Variants in TGFBR3 observed in about 807,000 individuals in gnomAD.
The protein encoded by TGFBR3 is transforming growth factor beta receptor 3.
A neutral mutation model predicts 87.9 loss-of-function variants in TGFBR3; 46 were observed. The observed-to-expected ratio is 0.52, with a 90% CI of 0.41 to 0.67. The LOEUF (loss-of-function observed/expected upper bound fraction) is 0.67. Ranked by LOEUF, TGFBR3 falls within the 30% of genes least tolerant of loss-of-function variation. The pLI is 0.00. For synonymous variants in TGFBR3, 381 were observed against 391.6 expected (o/e 0.97, Z 0.32); for missense variants, 866 against 1,041.9 (o/e 0.83, Z 2.32).
At chr1:91,868,861 C>T (rs1002182592) in intron 1 of TGFBR3, among the ~76,000 whole-genome samples, 1 of 152,172 alleles carries the variant, frequency 6.6e-6, no homozygotes, top group African/African-American at 2.4e-5. Context: ...GTTTAGAGCC[C>T]AGGCATGTGA....
chr1:91,770,440 A>G (rs747725276), intron 3 of TGFBR3, among the ~76,000 whole-genome samples: 10 of 152,200 alleles, frequency 6.6e-5, no homozygotes, highest in Non-Finnish European at 1.3e-4. Flanking sequence ...AAACTACAGC[A>G]TACTATTTCT....
intron 2 of TGFBR3, among the ~76,000 whole-genome samples, chr1:91,820,282 A>G (rs2799539): frequency 0.13 from 19,033 of 152,202 alleles, 1,496 homozygotes; most frequent in East Asian, 0.38. Context: ...ACTGATATCA[A>G]TGTAAATACA....
chr1:91,693,869 C>T (rs767745662), intron 16 of TGFBR3, among the ~76,000 whole-genome samples: 11 of 152,136 alleles, frequency 7.2e-5, no homozygotes, highest in Non-Finnish European at 1.3e-4. Context: ...GGTATTCCTG[C>T]GACAAAATTA....
At position 91,738,555 on chromosome 1, in the gene TGFBR3, T is replaced by C. The variant is rs141174609; in HGVS notation, c.385-3596A>G. On this transcript the variant is annotated intron_variant, in intron 4 of 16. Transcript: ENST00000212355. ...TGCTCCTGCTTTTGCCATGTGTAAG[T>C]GCCTGCACCTGCTTCATCTTCCTCC... 5.6e-3 allele frequency among the ~76,000 whole-genome samples: 851 copies of C among 152,328 alleles called. 9 individuals are homozygous for C. Among genetic ancestry groups the C allele is most frequent in the Middle Eastern group, 0.014 (4 of 294 alleles).
chr1:91,791,371 C>T (rs2129974), intron 3 of TGFBR3, among the ~76,000 whole-genome samples: 12,494 of 152,036 alleles, frequency 0.082, 699 homozygotes, highest in Admixed American at 0.14. Context: ...CACAATGGCT[C>T]CTGAGCTCAG....
At chr1:91,754,160 A>G (rs1673655096) in intron 4 of TGFBR3, among the ~76,000 whole-genome samples, 1 of 152,214 alleles carries the variant, frequency 6.6e-6, no homozygotes, top group East Asian at 1.9e-4. Flanking sequence ...TTCTCTAGAA[A>G]CCGTGTATTT....
At chr1:91,770,235 A>C (rs181993122) in intron 3 of TGFBR3, among the ~76,000 whole-genome samples, 2,051 of 152,298 alleles carry the variant, frequency 0.013, 43 homozygotes, top group Admixed American at 0.053. Flanking sequence ...GGATTAAAAA[A>C]AAAAAAAAGA....
At chr1:91,802,941 A>G (rs983413188) in intron 2 of TGFBR3, among the ~76,000 whole-genome samples, 1 of 151,858 alleles carries the variant, frequency 6.6e-6, no homozygotes, top group African/African-American at 2.4e-5. Flanking sequence ...CTCCATCTCC[A>G]TGGGCACCAT....
At position 91,695,743 on chromosome 1, in the gene TGFBR3, C is replaced by T. The variant is rs753791977; in HGVS notation, c.2366G>A (p.Gly789Asp). 1 of 1,614,028 alleles carries T rather than the reference C, an allele frequency of 6.2e-7. No homozygotes were observed. Among genetic ancestry groups the T allele is most frequent in the Admixed American group, 1.7e-5 (1 of 59,996 alleles). Residue 789 changes from glycine (G) to aspartate (D), a missense_variant, in exon 16 of 17, where the codon GGC (glycine) becomes GAC (aspartate). Physicochemically the swap from Gly to Asp is moderately conservative, Grantham distance 94 (BLOSUM62 -1). Coordinates refer to ENST00000212355, the MANE Select transcript of TGFBR3 (RefSeq NM_003243.5). ...FHGLDTLTVM[G>D]IAFAAFVIGA... The stretch of plus-strand genomic sequence containing the variant: ...GATCACAAAGGCTGCAAACGCAATG[C>T]CCATCACGGTTAGGGTGTCCAGACC...
chr1:91,904,845 C>A (rs2101357658), intron 1 of TGFBR3, among the ~76,000 whole-genome samples: 1 of 152,220 alleles, frequency 6.6e-6, no homozygotes, highest in East Asian at 1.9e-4. Flanking sequence ...GGACTATAGG[C>A]ATGAGCCACC....
chr1:91,802,078 A>AGTC (rs1675651051), intron 2 of TGFBR3, among the ~76,000 whole-genome samples: 1 of 152,178 alleles, frequency 6.6e-6, no homozygotes, highest in Admixed American at 6.5e-5. Flanking sequence ...ACAGTGTAGG[A>AGTC]ATCAGGGGAG....
intron 3 of TGFBR3, among the ~76,000 whole-genome samples, chr1:91,793,871 A>G (rs1335433256): frequency 6.6e-6 from 1 of 151,544 alleles, no homozygotes; most frequent in Admixed American, 6.6e-5. Context: ...CCCTCCTACT[A>G]TTACCCTCAA....
chr1:91,739,555 G>A (rs1033254485), intron 4 of TGFBR3, among the ~76,000 whole-genome samples: 1 of 152,172 alleles, frequency 6.6e-6, no homozygotes, highest in African/African-American at 2.4e-5. Context: ...TGAAGTCTGT[G>A]ACTCATACGT....
At chr1:91,800,263 C>T (rs1356977953) in intron 2 of TGFBR3, among the ~76,000 whole-genome samples, 3 of 146,858 alleles carry the variant, frequency 2.0e-5, no homozygotes, top group African/African-American at 7.6e-5. Context: ...TATACACACA[C>T]ACACACACAC....
At chr1:91,893,225 G>A (rs970190080) in intron 2 of TGFBR3, among the ~76,000 whole-genome samples, 6 of 152,076 alleles carry the variant, frequency 3.9e-5, no homozygotes, top group African/African-American at 1.4e-4. Context: ...ATTACCTGCT[G>A]TAACATTTCT....
At chr1:91,874,306 G>A (rs1020404561) in intron 1 of TGFBR3, among the ~76,000 whole-genome samples, 3 of 152,152 alleles carry the variant, frequency 2.0e-5, no homozygotes, top group African/African-American at 7.2e-5. Context: ...ACATGCAAAG[G>A]CCCTGAGACA....
chr1:91,680,699 C>G lies in TGFBR3; in HGVS notation c.*3040G>C, dbSNP rs1473869540. 6.6e-6 allele frequency: 3 copies of G among 453,946 alleles called. No homozygotes were observed. The Admixed American group carries it at 7.1e-5, about 11-fold the overall frequency. The allele number at this position is 453,946 out of a possible 1,614,324, so 28.1% of individuals were successfully genotyped here. ...TAGGACTCACCCAACAAAATGTGCTCTGTTAACACAACCAGCAGTACAATC... is the reference window on the plus strand; with the variant it reads ...TAGGACTCACCCAACAAAATGTGCTGTGTTAACACAACCAGCAGTACAATC... On this transcript the variant is annotated 3_prime_UTR_variant, in exon 17 of 17. Transcript: ENST00000212355.
At chr1:91,794,963 T>C (rs777462135) in intron 3 of TGFBR3, among the ~76,000 whole-genome samples, 1 of 152,230 alleles carries the variant, frequency 6.6e-6, no homozygotes, top group South Asian at 2.1e-4. Flanking sequence ...GCTGCGGGAA[T>C]GTTCTCCATA....
At chr1:91,835,866 A>G (rs1235279803) in intron 2 of TGFBR3, among the ~76,000 whole-genome samples, 1 of 148,046 alleles carries the variant, frequency 6.8e-6, no homozygotes, top group Non-Finnish European at 1.5e-5. Flanking sequence ...CCAACATACC[A>G]CTAGAACTCT....
Sources: allele counts gnomAD v4.1 joint callset (sites outside exome capture counted in the v4.1 genomes callset), GRCh38; gene constraint gnomAD v4.1.1; transcripts MANE v1.5; gene names NCBI Gene and HGNC (gene_info 2026-07-23, HGNC 2026-07-21).